PKNOX2: variants seen among roughly 807,000 people sequenced by gnomAD.
PKNOX2 encodes the protein homeobox protein PKNOX2.
In PKNOX2, 14 loss-of-function variants were observed where a neutral mutation model predicts 53.1. That is an observed-to-expected ratio of 0.26 (90% CI 0.17 to 0.41). PKNOX2 has a LOEUF of 0.41. PKNOX2 is among the 10% of genes least tolerant of loss of function. The pLI is 1.00. For missense variants in PKNOX2, 496 were observed against 602.8 expected (o/e 0.82, Z 1.85); for synonymous variants, 257 against 242.8 (o/e 1.06, Z -0.54).
Position 125,240,548 on chromosome 11 carries a change from G to A in PKNOX2, c.-130+5433G>A, listed in dbSNP as rs927861007. On this transcript the variant is annotated intron_variant, in intron 2 of 12. Transcript: ENST00000298282. This position sits in a 1 kb window ranked among gnomAD's most constrained non-coding sequence, Gnocchi z 4.3. The stretch of plus-strand genomic sequence containing the variant: ...GGGCAAGAGGCTTTGAGCAGAGTTT[G>A]GAAGCTGCAAGGTGGCTGCCACCAC... Among the ~76,000 whole-genome samples the A allele has an allele frequency of 6.6e-6, 1 of 152,126 alleles. No individual in the cohort carries two copies. Among genetic ancestry groups the A allele is most frequent in the Admixed American group, 6.5e-5 (1 of 15,276 alleles).
chr11:125,270,428 C>A (rs986032647), intron 2 of PKNOX2, among the ~76,000 whole-genome samples: 1 of 152,098 alleles, frequency 6.6e-6, no homozygotes, highest in Non-Finnish European at 1.5e-5. Flanking sequence ...GGGGCTGAAG[C>A]CTTGGAGGTT....
intron 2 of PKNOX2, among the ~76,000 whole-genome samples, chr11:125,294,545 G>A (rs1947525561): frequency 6.6e-6 from 1 of 152,172 alleles, no homozygotes; most frequent in Non-Finnish European, 1.5e-5. Context: ...GTGGAGAGGC[G>A]GCATGGCAGG....
At chr11:125,379,042 T>C (rs1212698978) in intron 5 of PKNOX2, among the ~76,000 whole-genome samples, 1 of 144,314 alleles carries the variant, frequency 6.9e-6, no homozygotes, top group Non-Finnish European at 1.5e-5. Context: ...CCAACTACCT[T>C]TTTTTTCTTT....
rs888738964 is a variant in PKNOX2, at chr11:125,242,716, A to T, written c.-130+7601A>T. 2.6e-5 allele frequency among the ~76,000 whole-genome samples: 4 copies of T among 152,090 alleles called. No homozygotes were observed. The East Asian group carries it at 5.8e-4, about 22-fold the overall frequency. ...TGCGAGCGAGGCAGTCTTTCAGGAGAGTGGCGGGTGTGTCCTTCTTGGCTC... is the reference window on the plus strand; with the variant it reads ...TGCGAGCGAGGCAGTCTTTCAGGAGTGTGGCGGGTGTGTCCTTCTTGGCTC... On this transcript the variant is annotated intron_variant, in intron 2 of 12. Transcript: ENST00000298282.
intron 5 of PKNOX2, among the ~76,000 whole-genome samples, chr11:125,381,646 C>A (rs368557676): frequency 4.6e-5 from 7 of 152,026 alleles, no homozygotes; most frequent in Non-Finnish European, 7.4e-5. Context: ...TGTGACAATG[C>A]CTCCCACCCC....
At chr11:125,388,979 G>A (rs1405417338) in intron 6 of PKNOX2, among the ~76,000 whole-genome samples, 4 of 152,212 alleles carry the variant, frequency 2.6e-5, no homozygotes, top group Non-Finnish European at 5.9e-5. Flanking sequence ...CAGATCACAT[G>A]AGGCTAGGAG....
chr11:125,417,260 C>T (rs1447536625), intron 10 of PKNOX2, among the ~76,000 whole-genome samples: 1 of 151,964 alleles, frequency 6.6e-6, no homozygotes, highest in African/African-American at 2.4e-5. Flanking sequence ...GATTCTGCTC[C>T]TTTCCATCCC....
chr11:125,263,058 G>A (rs1416762578), intron 2 of PKNOX2, among the ~76,000 whole-genome samples: 2 of 152,218 alleles, frequency 1.3e-5, no homozygotes, highest in Admixed American at 1.3e-4. Context: ...ACAGCACAGA[G>A]GGCCAGAGCC....
intron 6 of PKNOX2, among the ~76,000 whole-genome samples, chr11:125,392,336 C>T (rs1201142846): frequency 1.3e-5 from 2 of 152,228 alleles, no homozygotes; most frequent in Non-Finnish European, 1.5e-5. Flanking sequence ...GACTCAAATC[C>T]AGGCTGCCTG....
intron 1 of PKNOX2, chr11:125,189,851 T>C (rs972254467): frequency 2.6e-5 from 4 of 152,084 alleles, no homozygotes; most frequent in African/African-American, 7.2e-5. Context: ...ATATAATAAC[T>C]ATACATCCCT....
intron 2 of PKNOX2, among the ~76,000 whole-genome samples, chr11:125,319,648 A>G (rs1269929960): frequency 6.6e-6 from 1 of 152,256 alleles, no homozygotes; most frequent in Non-Finnish European, 1.5e-5. Context: ...CACATATAAT[A>G]TATAATTACA....
intron 2 of PKNOX2, among the ~76,000 whole-genome samples, chr11:125,307,944 T>G (rs767534652): frequency 2.6e-5 from 4 of 152,158 alleles, no homozygotes; most frequent in East Asian, 1.9e-4. Flanking sequence ...AAACACAAAA[T>G]GTACTGCCAA....
In PKNOX2 at chr11:125,304,461, C is replaced by G. The variant is rs184624137; in HGVS notation, c.-129-27358C>G. 5.9e-5 allele frequency among the ~76,000 whole-genome samples: 9 copies of G among 152,352 alleles called. No individual in the cohort carries two copies. In the East Asian group the frequency reaches 1.7e-3, roughly 29 times the overall value. ...TGTGGCAGCCTGAGAAGGAGGGGAG[C>G]AGCCTGAGAGGCACGGGAAGGGGCA... On this transcript the variant is annotated intron_variant, in intron 2 of 12. Transcript: ENST00000298282.
At chr11:125,323,150 G>A (rs1289825664) in intron 2 of PKNOX2, among the ~76,000 whole-genome samples, 1 of 151,992 alleles carries the variant, frequency 6.6e-6, no homozygotes, top group Non-Finnish European at 1.5e-5. Context: ...GGCTCCCAGT[G>A]CGTTTCCAGC....
chr11:125,291,058 T>C (rs1947272282), intron 2 of PKNOX2, among the ~76,000 whole-genome samples: 1 of 152,192 alleles, frequency 6.6e-6, no homozygotes. Context: ...AAAGGGGGTC[T>C]CTTCCCACTT....
At chr11:125,359,095 A>ACACCATCGGAAAGGCAGGAAGGTG (rs796129373) in intron 4 of PKNOX2, among the ~76,000 whole-genome samples, 2,918 of 145,880 alleles carry the variant, frequency 0.02, 177 homozygotes, top group African/African-American at 0.073. Flanking sequence ...GCAGGAAGGT[A>ACACCATCGGAAAGGCAGGAAGGTG]GACACCATCG....
intron 1 of PKNOX2, among the ~76,000 whole-genome samples, chr11:125,178,442 CG>C (rs1955851819): frequency 1.3e-5 from 2 of 149,230 alleles, no homozygotes; most frequent in Admixed American, 1.3e-4. Context: ...ACCCGGGAGG[CG>C]GAGGTTGCGG....
At chr11:125,248,728 T>C in intron 2 of PKNOX2, among the ~76,000 whole-genome samples, 1 of 148,204 alleles carries the variant, frequency 6.7e-6, no homozygotes, top group East Asian at 2.0e-4. Flanking sequence ...TTATATGTTA[T>C]AATATATACA....
At chr11:125,263,521 G>C (rs375097515) in intron 2 of PKNOX2, among the ~76,000 whole-genome samples, 1 of 152,210 alleles carries the variant, frequency 6.6e-6, no homozygotes, top group Non-Finnish European at 1.5e-5. Flanking sequence ...GTGGTATGTC[G>C]GTTTCCATAG....
Sources: allele counts gnomAD v4.1 joint callset (sites outside exome capture counted in the v4.1 genomes callset), GRCh38; gene constraint gnomAD v4.1.1; non-coding constraint Gnocchi (gnomAD v3.1); transcripts MANE v1.5; gene names NCBI Gene and HGNC (gene_info 2026-07-23, HGNC 2026-07-21).